ENTREP2: variants seen among roughly 807,000 people sequenced by gnomAD.
ENTREP2 encodes the protein endosomal transmembrane epsin interactor 2.
the ENTREP2 span, among the ~76,000 whole-genome samples, chr15:29,658,545 G>A: frequency 6.6e-6 from 1 of 152,154 alleles, no homozygotes; most frequent in Non-Finnish European, 1.5e-5. Flanking sequence ...GGTGGTGGGT[G>A]TAGTGGTTAC....
At chr15:29,553,828 C>A in the ENTREP2 span, among the ~76,000 whole-genome samples, 8 of 152,122 alleles carry the variant, frequency 5.3e-5, no homozygotes, top group African/African-American at 1.9e-4. Context: ...CCCACCCTGT[C>A]GAGTCCTCAG....
chr15:29,624,069 A>G, the ENTREP2 span, among the ~76,000 whole-genome samples: 1 of 152,164 alleles, frequency 6.6e-6, no homozygotes, highest in South Asian at 2.1e-4. Flanking sequence ...CTAGTTATAA[A>G]GGTAATTGTA....
At chr15:29,152,137 A>G in the ENTREP2 span, among the ~76,000 whole-genome samples, 11 of 152,236 alleles carry the variant, frequency 7.2e-5, no homozygotes, top group African/African-American at 2.7e-4. Context: ...AAGGTGGCCA[A>G]CATTTAAGGA....
chr15:29,536,578 T>C, the ENTREP2 span, among the ~76,000 whole-genome samples: 1 of 144,910 alleles, frequency 6.9e-6, no homozygotes, highest in African/African-American at 2.6e-5. Flanking sequence ...CACTCCAGCC[T>C]GAGCAACAGA....
chr15:29,663,736 A>C, the ENTREP2 span, among the ~76,000 whole-genome samples: 1 of 152,164 alleles, frequency 6.6e-6, no homozygotes, highest in Non-Finnish European at 1.5e-5. Flanking sequence ...GGGGGGAGAG[A>C]TAGCATTAGG....
At chr15:29,234,133 C>T in the ENTREP2 span, 1 of 1,549,058 alleles carries the variant, frequency 6.5e-7, no homozygotes. Flanking sequence ...CATTGGGACT[C>T]TGCTCTCCAT....
At chr15:29,483,135 C>T in the ENTREP2 span, among the ~76,000 whole-genome samples, 1 of 152,168 alleles carries the variant, frequency 6.6e-6, no homozygotes, top group Non-Finnish European at 1.5e-5. Flanking sequence ...AACTGTATAT[C>T]TTCAGTGAGA....
At chr15:29,616,063 G>A in the ENTREP2 span, among the ~76,000 whole-genome samples, 1 of 152,240 alleles carries the variant, frequency 6.6e-6, no homozygotes, top group African/African-American at 2.4e-5. Context: ...AACAGTGTCT[G>A]TTGGAGGATC....
the ENTREP2 span, among the ~76,000 whole-genome samples, chr15:29,614,679 C>T: frequency 1.4e-4 from 21 of 152,120 alleles, no homozygotes; most frequent in Admixed American, 6.5e-4. Flanking sequence ...TAGAACCAAC[C>T]GGGTGCTGAA....
the ENTREP2 span, among the ~76,000 whole-genome samples, chr15:29,197,983 G>T: frequency 2.0e-5 from 3 of 152,062 alleles, no homozygotes; most frequent in Non-Finnish European, 2.9e-5. Flanking sequence ...TGAGACTGAG[G>T]CCATACTTAT....
chr15:29,207,594 G>A, the ENTREP2 span, among the ~76,000 whole-genome samples: 4 of 152,020 alleles, frequency 2.6e-5, no homozygotes, highest in Non-Finnish European at 4.4e-5. Flanking sequence ...TTTACAGAGC[G>A]CTGATTAGTG....
chr15:29,500,670 A>C, the ENTREP2 span, among the ~76,000 whole-genome samples: 1 of 152,058 alleles, frequency 6.6e-6, no homozygotes, highest in Admixed American at 6.6e-5. Context: ...AAAAACTCTC[A>C]AATCAATAAT....
the ENTREP2 span, among the ~76,000 whole-genome samples, chr15:29,294,287 G>C: frequency 2.6e-5 from 4 of 152,358 alleles, no homozygotes; most frequent in East Asian, 7.7e-4. Context: ...TGTGTGGGCA[G>C]ACTCCCGTTA....
the ENTREP2 span, among the ~76,000 whole-genome samples, chr15:29,276,616 C>T: frequency 6.6e-6 from 1 of 152,204 alleles, no homozygotes; most frequent in Non-Finnish European, 1.5e-5. Flanking sequence ...TTCTGAAAAA[C>T]CTGCCTCAGG....
the ENTREP2 span, among the ~76,000 whole-genome samples, chr15:29,356,021 A>G: frequency 6.6e-6 from 1 of 151,966 alleles, no homozygotes; most frequent in Non-Finnish European, 1.5e-5. Flanking sequence ...AGTATCACTT[A>G]CCTACGAGGC....
At chr15:29,623,181 G>C in the ENTREP2 span, among the ~76,000 whole-genome samples, 4,863 of 152,130 alleles carry the variant, frequency 0.032, 266 homozygotes, top group African/African-American at 0.11. Context: ...GTAGCTCCTG[G>C]GGCCGTCTTC....
chr15:29,174,698 AAAAC>A, the ENTREP2 span, among the ~76,000 whole-genome samples: 1 of 139,272 alleles, frequency 7.2e-6, no homozygotes, highest in African/African-American at 3.4e-5. Context: ...TAAACAAAAC[AAAAC>A]AAAACAACAA....
the ENTREP2 span, among the ~76,000 whole-genome samples, chr15:29,167,647 A>C: frequency 6.6e-6 from 1 of 152,230 alleles, no homozygotes; most frequent in African/African-American, 2.4e-5. Flanking sequence ...GAATGGCCAT[A>C]ATCAAAAAAT....
the ENTREP2 span, among the ~76,000 whole-genome samples, chr15:29,548,691 C>T: frequency 6.6e-6 from 1 of 152,136 alleles, no homozygotes; most frequent in East Asian, 1.9e-4. Flanking sequence ...ACTTCCAGCA[C>T]TATTTGTTAT....
Sources: gnomAD v4.1 joint callset for allele counts (sites outside exome capture counted in the v4.1 genomes callset) on GRCh38, gnomAD v4.1.1 for gene constraint, MANE v1.5 for transcripts, NCBI Gene and HGNC (gene_info 2026-07-23, HGNC 2026-07-21) for gene names.